Variants in AHRR observed in about 807,000 individuals in gnomAD.
AHRR encodes aryl hydrocarbon receptor repressor.
Under a neutral mutation model 44.0 loss-of-function variants are expected in AHRR, and 28 were observed. That is an observed-to-expected ratio of 0.64 (90% CI 0.47 to 0.87). AHRR has a LOEUF of 0.87. Among genes scored for constraint, AHRR ranks in the 40% least tolerant of loss-of-function variants. AHRR has a pLI of 0.00. For synonymous variants in AHRR, 434 were observed against 407.0 expected (o/e 1.07, Z -0.80); for missense variants, 990 against 953.9 (o/e 1.04, Z -0.50).
intron 4 of AHRR, among the ~76,000 whole-genome samples, chr5:397,152 CT>C (rs1734752916): frequency 7.8e-6 from 1 of 128,924 alleles, no homozygotes. Context: ...ATGTTAGCCC[CT>C]GACCATCCAC....
chr5:390,090 A>G (rs558184838), intron 4 of AHRR, among the ~76,000 whole-genome samples: 1 of 152,252 alleles, frequency 6.6e-6, no homozygotes, highest in East Asian at 1.9e-4. Flanking sequence ...GCCGGAAAGG[A>G]CAGAAACACA....
chr5:369,987 G>C (rs1194692709), intron 3 of AHRR, among the ~76,000 whole-genome samples: 1 of 152,248 alleles, frequency 6.6e-6, no homozygotes, highest in African/African-American at 2.4e-5. Context: ...GTGAGAGCAG[G>C]GGTCAGAGGT....
chr5:380,151 A>T (rs1733923761), intron 4 of AHRR, among the ~76,000 whole-genome samples: 1 of 152,104 alleles, frequency 6.6e-6, no homozygotes, highest in African/African-American at 2.4e-5. Context: ...ATTTTTGTGG[A>T]TCTGTTTCTG....
At chr5:414,342 G>A (rs1735620197) in intron 5 of AHRR, among the ~76,000 whole-genome samples, 1 of 152,106 alleles carries the variant, frequency 6.6e-6, no homozygotes, top group Non-Finnish European at 1.5e-5. Context: ...GTCTGGGGAG[G>A]AGCTGGGGTC....
At chr5:416,017 C>T (rs1004574542) in intron 5 of AHRR, among the ~76,000 whole-genome samples, 1 of 152,206 alleles carries the variant, frequency 6.6e-6, no homozygotes, top group Non-Finnish European at 1.5e-5. Context: ...CTGCCGGGCC[C>T]ATTGCAGTGA....
At chr5:431,268 C>T (rs1044831094) in intron 8 of AHRR, among the ~76,000 whole-genome samples, 6 of 152,166 alleles carry the variant, frequency 3.9e-5, no homozygotes, top group African/African-American at 1.4e-4. Flanking sequence ...GCGGCCTGGA[C>T]GAGACCCCCT....
At chr5:334,208 G>A (rs191077109) in intron 1 of AHRR, among the ~76,000 whole-genome samples, 9 of 152,046 alleles carry the variant, frequency 5.9e-5, no homozygotes, top group Admixed American at 2.6e-4. Flanking sequence ...TTTTTTGCAC[G>A]ATGTTTTCCT....
In AHRR at chr5:338,078, C is replaced by A. The variant is rs540303157; in HGVS notation, c.-10-5815C>A. 6.6e-6 allele frequency among the ~76,000 whole-genome samples: 1 copy of A among 152,164 alleles called. No individual in the cohort carries two copies. The highest frequency in any genetic ancestry group is 1.5e-5 in the Non-Finnish European group (1 of 68,024). On this transcript the variant is annotated intron_variant, in intron 1 of 10. Coordinates refer to ENST00000684583, the MANE Select transcript of AHRR (RefSeq NM_001377236.1). The surrounding 1 kb of genome is among the most constrained non-coding windows in gnomAD (Gnocchi z 4.1). ...TTCTGAGTACTGTCACCTCACTTTG[C>A]GAATACATGTCTCCCCTCCCGGGTC...
At chr5:366,113 A>G (rs1169137919) in intron 3 of AHRR, among the ~76,000 whole-genome samples, 1 of 147,854 alleles carries the variant, frequency 6.8e-6, no homozygotes, top group Non-Finnish European at 1.5e-5. Flanking sequence ...GCCTCGGAAC[A>G]GTGACACCCT....
At chr5:377,682 C>A (rs1354156913) in intron 4 of AHRR, among the ~76,000 whole-genome samples, 1 of 152,248 alleles carries the variant, frequency 6.6e-6, no homozygotes, top group African/African-American at 2.4e-5. Context: ...GGTCAGTTCA[C>A]AACCCCCAGC....
intron 5 of AHRR, among the ~76,000 whole-genome samples, chr5:420,453 C>T (rs1560919018): frequency 6.6e-6 from 1 of 152,200 alleles, no homozygotes. Flanking sequence ...AGCTGGGGGG[C>T]CTTTGCAGTT....
At chr5:418,311 T>G (rs1201937432) in intron 5 of AHRR, among the ~76,000 whole-genome samples, 1 of 152,176 alleles carries the variant, frequency 6.6e-6, no homozygotes, top group African/African-American at 2.4e-5. Context: ...TGATGTCACT[T>G]TGTAGGAATT....
At chr5:354,057 T>C in intron 3 of AHRR, 146 bp downstream of exon 3, 1 of 892,402 alleles carries the variant, frequency 1.1e-6, no homozygotes, top group Non-Finnish European at 1.7e-6. Flanking sequence ...CCCCAGAACC[T>C]GGAGACTTGG....
chr5:411,357 G>A lies in AHRR; in HGVS notation c.352-1987G>A, dbSNP rs1735461352. Among the ~76,000 whole-genome samples the A allele has an allele frequency of 1.3e-5, 2 of 151,860 alleles. No homozygotes were observed. The highest frequency in any genetic ancestry group is 1.9e-4 in the East Asian group (1 of 5,166). On this transcript the variant is annotated intron_variant, in intron 4 of 10. Coordinates refer to ENST00000684583, the MANE Select transcript of AHRR (RefSeq NM_001377236.1). The surrounding 1 kb of genome is among the most constrained non-coding windows in gnomAD (Gnocchi z 4.2). ...CATTATGATGCAATTTTGGGTCTGTGTAGCTGCACCTGTTCTTACCATTCT... is the reference window on the plus strand; with the variant it reads ...CATTATGATGCAATTTTGGGTCTGTATAGCTGCACCTGTTCTTACCATTCT...
chr5:413,695 G>A (rs1239484108), intron 5 of AHRR, among the ~76,000 whole-genome samples: 2 of 152,190 alleles, frequency 1.3e-5, no homozygotes, highest in Non-Finnish European at 2.9e-5. Context: ...CGGCAGCATG[G>A]TCTCCTCTGG....
At chr5:376,857 GGAAGCGTAGGCTCCAAAATCTGTT>G in intron 4 of AHRR, 141 bp downstream of exon 4, 1 of 739,366 alleles carries the variant, frequency 1.4e-6, no homozygotes, top group Non-Finnish European at 2.2e-6. Context: ...ATAACTGTCA[GGAAGCGTAGGCTCCAAAATCTGTT>G]GAAGAAGGGT....
chr5:370,883 G>A lies in AHRR; in HGVS notation c.245-5727G>A, dbSNP rs536165077. Among the ~76,000 whole-genome samples the A allele has an allele frequency of 1.4e-4, 21 of 152,340 alleles. No homozygotes were observed. The East Asian group carries it at 2.1e-3, about 15-fold the overall frequency. On this transcript the variant is annotated intron_variant, in intron 3 of 10. Coordinates refer to ENST00000684583, the MANE Select transcript of AHRR (RefSeq NM_001377236.1). This position sits in a 1 kb window ranked among gnomAD's most constrained non-coding sequence, Gnocchi z 4.5. ...CACCCAGAGCACAGAGGCTGGGCCT[G>A]GTGTGGAGCTCTCGGCCGACCTCGG...
At chr5:344,486 G>A (rs1406087683) in intron 2 of AHRR, among the ~76,000 whole-genome samples, 1 of 8,848 alleles carries the variant, frequency 1.1e-4, no homozygotes, top group African/African-American at 1.1e-3. Flanking sequence ...GTGCGCGGGG[G>A]GAGCTGTGTG....
chr5:326,006 CTCCT>C lies in AHRR; in HGVS notation c.-11+4188_-11+4191del, dbSNP rs1276958190. On this transcript the variant is annotated intron_variant, in intron 1 of 10. Coordinates refer to ENST00000684583, the MANE Select transcript of AHRR (RefSeq NM_001377236.1). This position sits in a 1 kb window ranked among gnomAD's most constrained non-coding sequence, Gnocchi z 4.1. ...CCATGTTGGCCAGGCTGGTCTTGAA[CTCCT>C]GACCTCAGGCGATTCCCCTGCCTCA... Among the ~76,000 whole-genome samples, 24 of 152,350 alleles carry C rather than the reference CTCCT, an allele frequency of 1.6e-4. No homozygotes were observed. The highest frequency in any genetic ancestry group is 5.5e-4 in the African/African-American group (23 of 41,582).
Sources: allele counts gnomAD v4.1 joint callset (sites outside exome capture counted in the v4.1 genomes callset), GRCh38; gene constraint gnomAD v4.1.1; non-coding constraint Gnocchi (gnomAD v3.1); transcripts MANE v1.5; gene names NCBI Gene and HGNC (gene_info 2026-07-23, HGNC 2026-07-21).